Variants in TBC1D5 observed in about 807,000 individuals in gnomAD.
TBC1D5 encodes the protein TBC1 domain family member 5.
In TBC1D5, 75 loss-of-function variants were observed where a neutral mutation model predicts 100.3. The ratio of observed to expected loss-of-function variants is 0.75; its 90% CI spans 0.62 to 0.91. The LOEUF (loss-of-function observed/expected upper bound fraction) is 0.91, where lower values mean the gene tolerates loss of function less well. Among genes scored for constraint, TBC1D5 ranks in the 40% least tolerant of loss-of-function variants. The probability of loss-of-function intolerance (pLI) is 0.00; values close to 1 mark genes in which losing one functional copy is unlikely to be tolerated. For synonymous variants in TBC1D5, 323 were observed against 325.6 expected (o/e 0.99, Z 0.09); for missense variants, 910 against 942.4 (o/e 0.97, Z 0.45).
chr3:17,661,983 C>T (rs759957272), intron 1 of TBC1D5, among the ~76,000 whole-genome samples: 5 of 152,040 alleles, frequency 3.3e-5, no homozygotes, highest in Admixed American at 6.6e-5. Context: ...CTCAAACTCC[C>T]GGGTTCAAGT....
intron 15 of TBC1D5, among the ~76,000 whole-genome samples, chr3:17,274,161 T>G (rs2079733700): frequency 6.6e-6 from 1 of 152,164 alleles, no homozygotes; most frequent in Non-Finnish European, 1.5e-5. Flanking sequence ...AAAAAACATA[T>G]ACATAGGTAA....
chr3:17,619,802 T>C (rs2062497496), intron 2 of TBC1D5, among the ~76,000 whole-genome samples: 1 of 152,180 alleles, frequency 6.6e-6, no homozygotes, highest in South Asian at 2.1e-4. Context: ...AAGGAAACAT[T>C]TGCAACATAT....
rs575824540 is a variant in TBC1D5 at position 17,233,611 on chromosome 3, T to C, written c.1588+4552A>G. Reference sequence around the variant, plus strand: ...AATGGAGGGTGGGCAAAAAGAAAAATGGAGTTTTGGAGTAGGCAATGATAA... The same window carrying C: ...AATGGAGGGTGGGCAAAAAGAAAAACGGAGTTTTGGAGTAGGCAATGATAA... On this transcript the variant is annotated intron_variant, in intron 17 of 21. Coordinates refer to ENST00000253692, the Ensembl canonical transcript of TBC1D5. 45 of 846,006 alleles carry C rather than the reference T, an allele frequency of 5.3e-5. No individual in the cohort carries two copies. In the South Asian group the frequency reaches 7.4e-4, roughly 14 times the overall value. The allele number at this position is 846,006 out of a possible 1,614,324, so 52.4% of individuals were successfully genotyped here.
At chr3:17,694,970 C>T (rs748245259) in intron 1 of TBC1D5, among the ~76,000 whole-genome samples, 1 of 152,132 alleles carries the variant, frequency 6.6e-6, no homozygotes, top group Non-Finnish European at 1.5e-5. Context: ...GAATTTTCAA[C>T]CCAGAATTTC....
At chr3:17,735,168 CTAAA>C (rs2076864507) in intron 1 of TBC1D5, among the ~76,000 whole-genome samples, 1 of 152,038 alleles carries the variant, frequency 6.6e-6, no homozygotes, top group Non-Finnish European at 1.5e-5. Context: ...ACAATTTCTC[CTAAA>C]TAAATAATGC....
At chr3:17,328,970 G>A (rs1442715990) in intron 13 of TBC1D5, among the ~76,000 whole-genome samples, 7 of 152,138 alleles carry the variant, frequency 4.6e-5, no homozygotes, top group African/African-American at 2.4e-5. Flanking sequence ...TGTTTGGTGG[G>A]TAACACTGAG....
intron 16 of TBC1D5, among the ~76,000 whole-genome samples, chr3:17,244,804 A>C (rs991908049): frequency 1.3e-5 from 2 of 152,136 alleles, no homozygotes; most frequent in Non-Finnish European, 2.9e-5. Context: ...TTGGAAACTT[A>C]AAACATTCAT....
At chr3:17,247,238 G>C (rs2076810555) in intron 16 of TBC1D5, among the ~76,000 whole-genome samples, 1 of 152,042 alleles carries the variant, frequency 6.6e-6, no homozygotes, top group Non-Finnish European at 1.5e-5. Flanking sequence ...CACTCCACTG[G>C]GAGAGAACAA....
At chr3:17,654,543 G>A (rs575162696) in intron 1 of TBC1D5, among the ~76,000 whole-genome samples, 2 of 152,296 alleles carry the variant, frequency 1.3e-5, no homozygotes, top group African/African-American at 4.8e-5. Context: ...TTTTTGATGT[G>A]CTGCTGGATT....
intron 13 of TBC1D5, among the ~76,000 whole-genome samples, chr3:17,367,808 A>G (rs570350584): frequency 1.3e-5 from 2 of 152,138 alleles, no homozygotes; most frequent in South Asian, 4.2e-4. Context: ...GCAGTGAGCC[A>G]AGATTGCACC....
chr3:17,679,139 C>A (rs2069105024), intron 1 of TBC1D5, among the ~76,000 whole-genome samples: 2 of 150,418 alleles, frequency 1.3e-5, no homozygotes, highest in Admixed American at 6.6e-5. Flanking sequence ...GGTATCCAAT[C>A]TCTGAGGAGA....
At chr3:17,197,828 G>A (rs1378311150) in intron 18 of TBC1D5, among the ~76,000 whole-genome samples, 1 of 152,154 alleles carries the variant, frequency 6.6e-6, no homozygotes, top group Non-Finnish European at 1.5e-5. Flanking sequence ...CTTGAGCTCA[G>A]GAGTTCAAGA....
chr3:17,643,991 T>C (rs1214324633), intron 1 of TBC1D5: 1 of 152,142 alleles, frequency 6.6e-6, no homozygotes, highest in Admixed American at 6.6e-5. Context: ...CCTGCAAATC[T>C]GATCTCATTC....
At chr3:17,403,523 G>A (rs1277888381) in intron 7 of TBC1D5, among the ~76,000 whole-genome samples, 1 of 151,388 alleles carries the variant, frequency 6.6e-6, no homozygotes, top group African/African-American at 2.4e-5. Flanking sequence ...AACCAACTGT[G>A]GATCAAAAAT....
chr3:17,386,839 A>G (rs1474106829), intron 8 of TBC1D5, among the ~76,000 whole-genome samples: 3 of 152,152 alleles, frequency 2.0e-5, no homozygotes, highest in Non-Finnish European at 4.4e-5. Flanking sequence ...CACACTGTAT[A>G]TCAATTCCTG....
exon 1 of TBC1D5, chr3:17,739,751 T>C (rs570364058): frequency 6.6e-6 from 1 of 152,310 alleles, no homozygotes; most frequent in African/African-American, 2.4e-5. Context: ...ACGTCTGTAA[T>C]CCCAGCACTT....
intron 1 of TBC1D5, among the ~76,000 whole-genome samples, chr3:17,627,785 A>AT (rs1383314543): frequency 1.3e-5 from 2 of 152,168 alleles, no homozygotes; most frequent in Admixed American, 1.3e-4. Flanking sequence ...TGTTTCACTA[A>AT]AAGAAAAAGC....
At chr3:17,529,341 G>C (rs568255664) in intron 2 of TBC1D5, among the ~76,000 whole-genome samples, 12 of 152,072 alleles carry the variant, frequency 7.9e-5, no homozygotes, top group Admixed American at 3.9e-4. Context: ...TCTCTGTCCC[G>C]ATTTGCCTGG....
At chr3:17,351,177 G>C (rs1680270683) in intron 13 of TBC1D5, among the ~76,000 whole-genome samples, 1 of 151,978 alleles carries the variant, frequency 6.6e-6, no homozygotes, top group Non-Finnish European at 1.5e-5. Flanking sequence ...TTCAACCTTG[G>C]TTTCACAAAC....
Sources: gnomAD v4.1 joint callset for allele counts (sites outside exome capture counted in the v4.1 genomes callset) on GRCh38, gnomAD v4.1.1 for gene constraint, MANE v1.5 for transcripts, NCBI Gene and HGNC (gene_info 2026-07-23, HGNC 2026-07-21) for gene names.